The following PUM2 variants were observed in gnomAD, a reference collection of about 807,000 sequenced individuals.
The protein encoded by PUM2 is pumilio homolog 2.
In PUM2, 57 loss-of-function variants were observed where a neutral mutation model predicts 124.5. The observed-to-expected ratio is 0.46, with a 90% CI of 0.37 to 0.57. PUM2 has a LOEUF of 0.57. Ranked by LOEUF, PUM2 falls within the 20% of genes least tolerant of loss-of-function variation. The pLI is 0.00. For synonymous variants in PUM2, 460 were observed against 446.1 expected (o/e 1.03, Z -0.39); for missense variants, 1,065 against 1,290.6 (o/e 0.83, Z 2.68).
At chr2:20,351,101 A>G (rs905563743), upstream of PUM2, among the ~76,000 whole-genome samples, 2 of 152,238 alleles carry the variant, frequency 1.3e-5, no homozygotes, top group East Asian at 3.9e-4. Context: ...CGGAGAGCGC[A>G]GGCGTACTGT....
chr2:20,294,011 G>A (rs1674880940), intron 9 of PUM2, among the ~76,000 whole-genome samples: 1 of 151,924 alleles, frequency 6.6e-6, no homozygotes, highest in Non-Finnish European at 1.5e-5. Flanking sequence ...TTACTGGTCA[G>A]AAACACATTA....
At position 20,315,946 on chromosome 2, in the gene PUM2, C is replaced by T. The variant is rs962700173; in HGVS notation, c.160+2591G>A. Among the ~76,000 whole-genome samples, 7 of 151,826 alleles carry T rather than the reference C, an allele frequency of 4.6e-5. 1 individual carries two copies. Among genetic ancestry groups the T allele is most frequent in the Admixed American group, 1.3e-4 (2 of 15,244 alleles). On this transcript the variant is annotated intron_variant, in intron 3 of 20. Coordinates refer to ENST00000361078, the MANE Select transcript of PUM2 (RefSeq NM_015317.5). The stretch of plus-strand genomic sequence containing the variant: ...TGTGCATTCAACTTTCAAATCATGT[C>T]CATCAACCAAGTTACCAAGCACACA...
At chr2:20,265,239 G>A (rs1234451111) in intron 13 of PUM2, among the ~76,000 whole-genome samples, 6 of 135,050 alleles carry the variant, frequency 4.4e-5, no homozygotes, top group Non-Finnish European at 4.7e-5. Context: ...GTGCCAGAGC[G>A]AAACCGTCAC....
intron 13 of PUM2, among the ~76,000 whole-genome samples, chr2:20,265,266 G>T (rs1169213300): frequency 6.7e-6 from 1 of 148,692 alleles, no homozygotes; most frequent in African/African-American, 2.5e-5. Context: ...AAAAAAAAAG[G>T]CATGTAATTT....
chr2:20,270,805 TCAATG>T (rs1219491995), intron 13 of PUM2, among the ~76,000 whole-genome samples: 1 of 152,134 alleles, frequency 6.6e-6, no homozygotes, highest in African/African-American at 2.4e-5. Flanking sequence ...ACCCAAACAT[TCAATG>T]AAATCTGAGT....
chr2:20,266,231 T>A (rs1667615258), intron 13 of PUM2, among the ~76,000 whole-genome samples: 2 of 152,016 alleles, frequency 1.3e-5, no homozygotes, highest in African/African-American at 2.4e-5. Flanking sequence ...TAGCTCGAGG[T>A]CATGAGTCTG....
chr2:20,339,206 C>T (rs10193751), intron 1 of PUM2, among the ~76,000 whole-genome samples: 5,311 of 152,168 alleles, frequency 0.035, 93 homozygotes, highest in Middle Eastern at 0.068. Flanking sequence ...TGTATCATGA[C>T]TTGCAAATAA....
At chr2:20,336,376 G>T (rs749747240) in intron 1 of PUM2, among the ~76,000 whole-genome samples, 1 of 151,846 alleles carries the variant, frequency 6.6e-6, no homozygotes, top group Non-Finnish European at 1.5e-5. Context: ...GTAGAGACAG[G>T]GTTTTGCCAT....
chr2:20,332,003 T>C (rs901838477), intron 1 of PUM2: 1 of 152,210 alleles, frequency 6.6e-6, no homozygotes, highest in African/African-American at 2.4e-5. Context: ...ACTGTAAAAT[T>C]TGAGTTTCAC....
Position 20,253,912 on chromosome 2 carries a change from G to A in PUM2, c.2973C>T (p.Tyr991=). ...CQNDGPHSAL[Y]TMMKDQYANY... ...TGGCATACTGGTCCTTCATCATGGT[G>A]TATAAGGCACTGTGAGGACCATCAT... Residue 991 remains tyrosine (Y), a synonymous_variant, in exon 20 of 21, where the codon TAC becomes TAT. Coordinates refer to ENST00000361078, the MANE Select transcript of PUM2 (RefSeq NM_015317.5). 2 of 1,613,882 alleles carry A rather than the reference G, an allele frequency of 1.2e-6. No homozygotes were observed. Among genetic ancestry groups the A allele is most frequent in the Non-Finnish European group, 1.7e-6 (2 of 1,179,772 alleles).
chr2:20,323,746 C>T (rs1178883633), intron 2 of PUM2, among the ~76,000 whole-genome samples: 1 of 152,010 alleles, frequency 6.6e-6, no homozygotes, highest in Non-Finnish European at 1.5e-5. Context: ...CAAGGTTACA[C>T]ATAAGCTGGT....
Position 20,322,323 on chromosome 2 carries a change from T to C in PUM2, c.52-3678A>G, listed in dbSNP as rs561203803. ...CTAAGTTGTAACAGGGAGCAGAGACTCATGCCTGTAATCCCAGCACTGAGG... is the reference window on the plus strand; with the variant it reads ...CTAAGTTGTAACAGGGAGCAGAGACCCATGCCTGTAATCCCAGCACTGAGG... On this transcript the variant is annotated intron_variant, in intron 2 of 20. Coordinates refer to ENST00000361078, the MANE Select transcript of PUM2 (RefSeq NM_015317.5). Among the ~76,000 whole-genome samples, 230 of 152,244 alleles carry C rather than the reference T, an allele frequency of 1.5e-3. 2 individuals carry two copies. The highest frequency in any genetic ancestry group is 5.4e-3 in the African/African-American group (225 of 41,550).
At chr2:20,305,871 A>G (rs2148494384) in intron 7 of PUM2, among the ~76,000 whole-genome samples, 1 of 152,348 alleles carries the variant, frequency 6.6e-6, no homozygotes. Flanking sequence ...AAAGCACTCA[A>G]ATGACACTAC....
intron 8 of PUM2, 119 bp from the exon 9 acceptor site, chr2:20,294,637 C>T: frequency 8.5e-7 from 1 of 1,170,296 alleles, no homozygotes; most frequent in South Asian, 1.8e-5. Context: ...AAGAACATGT[C>T]TTTATAATAA....
chr2:20,321,236 G>A (rs898846046), intron 2 of PUM2, among the ~76,000 whole-genome samples: 4 of 152,032 alleles, frequency 2.6e-5, no homozygotes, highest in African/African-American at 2.4e-5. Flanking sequence ...GCAGTGAGCC[G>A]AGATCGTGCC....
chr2:20,281,007 T>C (rs921001397), intron 12 of PUM2, among the ~76,000 whole-genome samples: 4 of 152,158 alleles, frequency 2.6e-5, no homozygotes, highest in Admixed American at 2.6e-4. Flanking sequence ...TACTTGTATA[T>C]GTGTATACAG....
Position 20,283,061 on chromosome 2 carries a change from T to C in PUM2, c.1606A>G (p.Ser536Gly), listed in dbSNP as rs772932935. 5.6e-6 allele frequency: 9 copies of C among 1,614,064 alleles called. No individual in the cohort carries two copies. Among genetic ancestry groups the C allele is most frequent in the Non-Finnish European group, 6.8e-6 (8 of 1,179,996 alleles). The part of the protein sequence containing the change: ...SSSLTNSSQS[S>G]SLFSHGPGQP... ...CCAGGTCCATGAGAAAATAAAGAAC[T>C]ACTCTGGGAGCTATTAGTCAAAGAA... Residue 536 changes from serine (S) to glycine (G), a missense_variant, in exon 12 of 21, where the codon AGT becomes GGT. Ser to Gly is a moderately conservative substitution (Grantham distance 56). Transcript: ENST00000361078.
chr2:20,315,172 A>C (rs1463877773), intron 3 of PUM2, among the ~76,000 whole-genome samples: 1 of 151,458 alleles, frequency 6.6e-6, no homozygotes, highest in African/African-American at 2.4e-5. Flanking sequence ...AAGTGCTGCA[A>C]TTACAGATGG....
At chr2:20,330,639 G>T (rs940228847) in intron 1 of PUM2, among the ~76,000 whole-genome samples, 1 of 152,042 alleles carries the variant, frequency 6.6e-6, no homozygotes, top group South Asian at 2.1e-4. Flanking sequence ...TATTCTCAAC[G>T]GTATTCTTTG....
Sources: gnomAD v4.1 joint callset for allele counts (sites outside exome capture counted in the v4.1 genomes callset) on GRCh38, gnomAD v4.1.1 for gene constraint, MANE v1.5 for transcripts, NCBI Gene and HGNC (gene_info 2026-07-23, HGNC 2026-07-21) for gene names.